Variants in IGSF10 observed in about 807,000 individuals in gnomAD.
IGSF10 encodes the protein calvaria mechanical force protein 608.
Under a neutral mutation model 128.2 loss-of-function variants are expected in IGSF10, and 126 were observed. The ratio of observed to expected loss-of-function variants is 0.98; its 90% CI spans 0.85 to 1.14. The LOEUF (loss-of-function observed/expected upper bound fraction) is 1.14. Among genes scored for constraint, IGSF10 ranks in the 50% most tolerant of loss-of-function variants. The pLI, the probability that IGSF10 is intolerant of heterozygous loss-of-function variation, is 0.00. For missense variants in IGSF10, 3,295 were observed against 3,149.8 expected (o/e 1.05, Z -1.10); for synonymous variants, 1,185 against 1,146.2 (o/e 1.03, Z -0.68).
At chr3:151,498,994 T>G in the IGSF10 span, among the ~76,000 whole-genome samples, 2 of 152,268 alleles carry the variant, frequency 1.3e-5, no homozygotes, top group East Asian at 3.9e-4. Context: ...TGTTTACCTT[T>G]AAAATTCTTA....
chr3:151,486,722 A>T, the IGSF10 span, among the ~76,000 whole-genome samples: 1 of 152,058 alleles, frequency 6.6e-6, no homozygotes, highest in Non-Finnish European at 1.5e-5. Flanking sequence ...CAATGAAATA[A>T]AGCAAGAAGA....
the IGSF10 span, among the ~76,000 whole-genome samples, chr3:151,569,427 T>C: frequency 3.9e-5 from 6 of 152,200 alleles, no homozygotes; most frequent in Non-Finnish European, 8.8e-5. Flanking sequence ...CTACTATAAC[T>C]GATGGGGTGG....
chr3:151,527,070 A>G, the IGSF10 span, among the ~76,000 whole-genome samples: 42 of 152,210 alleles, frequency 2.8e-4, no homozygotes, highest in African/African-American at 9.2e-4. Flanking sequence ...GAATTTGTAG[A>G]AAAAAATTTT....
the IGSF10 span, among the ~76,000 whole-genome samples, chr3:151,559,360 G>T: frequency 9.7e-3 from 1,477 of 152,222 alleles, 26 homozygotes; most frequent in African/African-American, 0.034. Flanking sequence ...CAAAACATTT[G>T]ATTACTGAGA....
At chr3:151,576,393 C>T in the IGSF10 span, among the ~76,000 whole-genome samples, 10 of 152,040 alleles carry the variant, frequency 6.6e-5, no homozygotes, top group Non-Finnish European at 1.2e-4. Context: ...TTCTCTGAAT[C>T]ATCATCTTTC....
chr3:151,571,658 A>G, the IGSF10 span, among the ~76,000 whole-genome samples: 2 of 151,668 alleles, frequency 1.3e-5, no homozygotes, highest in African/African-American at 4.9e-5. Context: ...CAATCATGTC[A>G]TCTGCAAACA....
chr3:151,467,033 T>C, the IGSF10 span, among the ~76,000 whole-genome samples: 1 of 152,110 alleles, frequency 6.6e-6, no homozygotes, highest in Non-Finnish European at 1.5e-5. Flanking sequence ...TAGTCTTTCA[T>C]TGGTATGCAG....
chr3:151,601,536 A>G, the IGSF10 span, among the ~76,000 whole-genome samples: 1 of 152,226 alleles, frequency 6.6e-6, no homozygotes, highest in African/African-American at 2.4e-5. Context: ...CTCAAAGAAC[A>G]TGTTTTAAAT....
At chr3:151,510,674 G>A in the IGSF10 span, among the ~76,000 whole-genome samples, 1 of 152,154 alleles carries the variant, frequency 6.6e-6, no homozygotes, top group East Asian at 1.9e-4. Context: ...CTGAGCTAAA[G>A]GAGGAAGTGT....
the IGSF10 span, among the ~76,000 whole-genome samples, chr3:151,467,701 A>G: frequency 6.6e-6 from 1 of 151,868 alleles, no homozygotes; most frequent in Non-Finnish European, 1.5e-5. Context: ...TGGCTAACGC[A>G]GTGAAACCCC....
At chr3:151,493,863 AC>A in the IGSF10 span, among the ~76,000 whole-genome samples, 1 of 151,700 alleles carries the variant, frequency 6.6e-6, no homozygotes, top group Non-Finnish European at 1.5e-5. Flanking sequence ...AAACAAACAA[AC>A]AAACAAAAAC....
At chr3:151,597,511 C>A in the IGSF10 span, among the ~76,000 whole-genome samples, 2 of 152,192 alleles carry the variant, frequency 1.3e-5, no homozygotes, top group East Asian at 3.9e-4. Flanking sequence ...TAACAGTCAT[C>A]ATCAAAAATA....
chr3:151,580,095 C>G, the IGSF10 span, among the ~76,000 whole-genome samples: 1 of 152,114 alleles, frequency 6.6e-6, no homozygotes, highest in African/African-American at 2.4e-5. Flanking sequence ...TTAATCGCAG[C>G]ACTGTGAGAG....
At chr3:151,493,444 C>A in the IGSF10 span, among the ~76,000 whole-genome samples, 1 of 152,128 alleles carries the variant, frequency 6.6e-6, no homozygotes, top group Non-Finnish European at 1.5e-5. Context: ...CAGCCTTGTA[C>A]AGAGGTGCCA....
the IGSF10 span, among the ~76,000 whole-genome samples, chr3:151,486,528 A>T: frequency 2.0e-5 from 3 of 152,236 alleles, no homozygotes; most frequent in African/African-American, 7.2e-5. Context: ...TCTCAGCACT[A>T]CATTTTACTT....
Position 151,446,651 on chromosome 3 carries a change from T to G in IGSF10, c.3330A>C (p.Leu1110=). ...CACTGGGTTTGTTCTCAAGTAGTAA[T>G]AGTGGATTCTGGACTAGAGTTGTAG... is the stretch of plus-strand genomic sequence containing the variant. ...EESTTLVQNP[L]LLLENKPSVE... The change falls in exon 6 of 8, where the codon CTA becomes CTC. Residue 1110 remains leucine, a synonymous_variant. Transcript: ENST00000282466. The G allele has an allele frequency of 6.2e-7, 1 of 1,614,060 alleles. No individual in the cohort carries two copies. Among genetic ancestry groups the G allele is most frequent in the Non-Finnish European group, 8.5e-7 (1 of 1,179,960 alleles).
chr3:151,603,930 T>G, the IGSF10 span, among the ~76,000 whole-genome samples: 4 of 152,214 alleles, frequency 2.6e-5, no homozygotes, highest in Non-Finnish European at 5.9e-5. Flanking sequence ...CTGTCCTTTT[T>G]TCCTGGCCTG....
At chr3:151,586,308 T>C in the IGSF10 span, among the ~76,000 whole-genome samples, 1 of 152,134 alleles carries the variant, frequency 6.6e-6, no homozygotes. Flanking sequence ...GCCAAAAAAT[T>C]AGCTTTTTTT....
In IGSF10 at chr3:151,445,656, A is replaced by G. The variant is rs1310808340; in HGVS notation, c.4325T>C (p.Leu1442Ser). Reference protein sequence around the residue: ...LKSTIASETTLSSKSHQSTTT... With the variant: ...LKSTIASETTSSSKSHQSTTT... ...GGTACTCTGGTGTGATTTGCTGGAC[A>G]AAGTTGTTTCAGAAGCAATTGTGCT... The change falls in exon 6 of 8, where the codon TTG becomes TCG. Residue 1442 changes from leucine (L) to serine (S), a missense_variant. By Grantham distance (145) the Leu-to-Ser change is moderately radical. Coordinates refer to ENST00000282466, the MANE Select transcript of IGSF10 (RefSeq NM_178822.5). The G allele has an allele frequency of 1.9e-6, 3 of 1,614,098 alleles. No individual in the cohort carries two copies. Among genetic ancestry groups the G allele is most frequent in the East Asian group, 4.5e-5 (2 of 44,902 alleles).
Sources: gnomAD v4.1 joint callset for allele counts (sites outside exome capture counted in the v4.1 genomes callset) on GRCh38, gnomAD v4.1.1 for gene constraint, MANE v1.5 for transcripts, NCBI Gene and HGNC (gene_info 2026-07-23, HGNC 2026-07-21) for gene names.